WDFY4: variants seen among roughly 807,000 people sequenced by gnomAD.
The protein encoded by WDFY4 is WD repeat- and FYVE domain-containing protein 4.
In WDFY4, 169 loss-of-function variants were observed where a neutral mutation model predicts 351.9. The observed-to-expected ratio is 0.48, with a 90% CI of 0.42 to 0.55. WDFY4 has a LOEUF of 0.55. Ranked by LOEUF, WDFY4 falls within the 20% of genes least tolerant of loss-of-function variation. WDFY4 has a pLI of 0.00. For synonymous variants in WDFY4, 1,622 were observed against 1,574.6 expected (o/e 1.03, Z -0.71); for missense variants, 3,803 against 3,935.6 (o/e 0.97, Z 0.90).
chr10:48,949,700 G>A (rs546939967), intron 51 of WDFY4, among the ~76,000 whole-genome samples: 4 of 152,316 alleles, frequency 2.6e-5, no homozygotes, highest in African/African-American at 9.6e-5. Flanking sequence ...GGACATGTAA[G>A]AGTCAGCATG....
intron 47 of WDFY4, among the ~76,000 whole-genome samples, chr10:48,911,304 G>C (rs182392208): frequency 6.6e-5 from 10 of 152,300 alleles, no homozygotes; most frequent in African/African-American, 1.9e-4. Context: ...GCCGGGAAAT[G>C]GGTTCTCTAC....
intron 11 of WDFY4, among the ~76,000 whole-genome samples, chr10:48,738,882 T>C (rs1473759543): frequency 6.6e-6 from 1 of 152,198 alleles, no homozygotes; most frequent in Non-Finnish European, 1.5e-5. Context: ...TCTGCATCCC[T>C]TCCCTGTGGT....
intron 10 of WDFY4, among the ~76,000 whole-genome samples, chr10:48,734,651 T>C (rs907833090): frequency 2.6e-5 from 4 of 152,086 alleles, no homozygotes; most frequent in African/African-American, 4.8e-5. Context: ...TATTTCATTA[T>C]GGCAGAGAGA....
chr10:48,966,420 G>C, intron 54 of WDFY4, 106 bp from the exon 55 acceptor site: 1 of 1,280,696 alleles, frequency 7.8e-7, no homozygotes, highest in East Asian at 2.7e-5. Flanking sequence ...GGAACAAGCC[G>C]AGCTGTGGCA....
chr10:48,859,023 A>G (rs1589762644), intron 39 of WDFY4, among the ~76,000 whole-genome samples: 1 of 152,128 alleles, frequency 6.6e-6, no homozygotes, highest in African/African-American at 2.4e-5. Flanking sequence ...ATTTTGAAAT[A>G]CAGTTATTAT....
chr10:48,906,207 G>T (rs1235406932), intron 47 of WDFY4, among the ~76,000 whole-genome samples: 1 of 152,160 alleles, frequency 6.6e-6, no homozygotes, highest in Non-Finnish European at 1.5e-5. Flanking sequence ...GTTTTCAACT[G>T]GCCCATGACA....
intron 40 of WDFY4, 141 bp downstream of exon 40, chr10:48,867,483 A>G (rs1361758318): frequency 2.1e-5 from 9 of 420,260 alleles, no homozygotes; most frequent in Admixed American, 4.5e-5. Context: ...ATTTTATCCT[A>G]AATGCAATGG....
intron 19 of WDFY4, 132 bp downstream of exon 19, chr10:48,780,251 T>A: frequency 8.5e-7 from 1 of 1,173,050 alleles, no homozygotes; most frequent in Non-Finnish European, 1.2e-6. Flanking sequence ...GGTTGGCATC[T>A]AATGAAATCT....
At chr10:48,904,702 CTT>C (rs199528433) in intron 47 of WDFY4, among the ~76,000 whole-genome samples, 2,016 of 152,310 alleles carry the variant, frequency 0.013, 46 homozygotes, top group African/African-American at 0.045. Flanking sequence ...ATCCCGGTAA[CTT>C]TAGCAAAACT....
Position 48,875,084 on chromosome 10 carries a change from T to G in WDFY4, c.6949-5T>G. 1 of 1,482,394 alleles carries G rather than the reference T, an allele frequency of 6.7e-7. No homozygotes were observed. The highest frequency in any genetic ancestry group is 9.0e-7 in the Non-Finnish European group (1 of 1,113,214). 91.8% of individuals were successfully genotyped at this position (1,482,394 alleles called of 1,614,324 possible). ...TAATTTTTCTTTTCAATGTCCTTAT[T>G]TCAGGAAAGCCAAGACAAAAATGAT... On this transcript the variant is annotated splice_polypyrimidine_tract_variant and splice_region_variant and intron_variant, in intron 41 of 61. Coordinates refer to ENST00000325239, the MANE Select transcript of WDFY4 (RefSeq NM_001394531.1).
chr10:48,961,234 G>C (rs1287183914), intron 53 of WDFY4, among the ~76,000 whole-genome samples: 1 of 152,194 alleles, frequency 6.6e-6, no homozygotes, highest in Non-Finnish European at 1.5e-5. Flanking sequence ...AGAGCCCACT[G>C]TCTTGAGTAC....
intron 34 of WDFY4, 138 bp from the exon 35 acceptor site, chr10:48,822,242 A>G: frequency 1.1e-6 from 1 of 870,266 alleles, no homozygotes; most frequent in East Asian, 3.2e-5. Context: ...GCACCTCGTC[A>G]GTACAAGACT....
At chr10:48,925,656 A>G (rs1490748989) in intron 47 of WDFY4, among the ~76,000 whole-genome samples, 2 of 152,218 alleles carry the variant, frequency 1.3e-5, no homozygotes, top group Admixed American at 1.3e-4. Context: ...TGCAGAGATG[A>G]TGGTGCAGCT....
At position 48,806,039 on chromosome 10, in the gene WDFY4, C is replaced by T. The variant is rs769040606; in HGVS notation, c.4682C>T (p.Ser1561Leu). ...TTTGTTGTGTACACCCTCAAGCCTTCGTCGGTGAATGAGAGGCAGATCTGC... is the reference window on the plus strand; with the variant it reads ...TTTGTTGTGTACACCCTCAAGCCTTTGTCGGTGAATGAGAGGCAGATCTGC... The part of the protein sequence containing the change: ...GLFVVYTLKP[S>L]SVNERQICMD... The change falls in exon 27 of 62, where the codon TCG becomes TTG. Residue 1561 changes from serine to leucine, a missense_variant. Transcript: ENST00000325239. 1.2e-5 allele frequency: 19 copies of T among 1,551,566 alleles called. No individual in the cohort carries two copies. Among genetic ancestry groups the T allele is most frequent in the South Asian group, 5.9e-5 (5 of 84,060 alleles).
chr10:48,917,476 G>GA (rs1838656674), intron 47 of WDFY4, among the ~76,000 whole-genome samples: 2 of 152,228 alleles, frequency 1.3e-5, no homozygotes, highest in African/African-American at 2.4e-5. Context: ...CCAAATTAAA[G>GA]AAAAAACATG....
intron 12 of WDFY4, among the ~76,000 whole-genome samples, chr10:48,753,610 T>A (rs187702454): frequency 6.6e-6 from 1 of 152,348 alleles, no homozygotes; most frequent in East Asian, 1.9e-4. Flanking sequence ...GTACCATTAG[T>A]TGAAGAGTCC....
intron 47 of WDFY4, among the ~76,000 whole-genome samples, chr10:48,915,670 C>T (rs1838455064): frequency 1.3e-5 from 2 of 152,202 alleles, no homozygotes; most frequent in Admixed American, 1.3e-4. Context: ...AAGCCTGTCT[C>T]ACACCTACTG....
At chr10:48,937,697 G>A (rs916577786) in intron 47 of WDFY4, among the ~76,000 whole-genome samples, 4 of 152,220 alleles carry the variant, frequency 2.6e-5, no homozygotes, top group African/African-American at 9.6e-5. Flanking sequence ...TTAGGGAAAT[G>A]AAAAGCGATA....
At chr10:48,749,539 A>G (rs1301162758) in intron 12 of WDFY4, among the ~76,000 whole-genome samples, 2 of 152,060 alleles carry the variant, frequency 1.3e-5, no homozygotes, top group Admixed American at 6.5e-5. Flanking sequence ...CACACATACT[A>G]CATATCCACA....
Sources: allele counts gnomAD v4.1 joint callset (sites outside exome capture counted in the v4.1 genomes callset), GRCh38; gene constraint gnomAD v4.1.1; transcripts MANE v1.5; gene names NCBI Gene and HGNC (gene_info 2026-07-23, HGNC 2026-07-21).